Variants in SLC44A3 observed in about 807,000 individuals in gnomAD.
SLC44A3 encodes choline transporter-like protein 3.
In SLC44A3, 74 loss-of-function variants were observed where a neutral mutation model predicts 75.4. The ratio of observed to expected loss-of-function variants is 0.98; its 90% CI spans 0.81 to 1.19. The LOEUF (loss-of-function observed/expected upper bound fraction) is 1.19, where lower values mean the gene tolerates loss of function less well. Among genes scored for constraint, SLC44A3 ranks in the 50% most tolerant of loss-of-function variants. The pLI is 0.00. For synonymous variants in SLC44A3, 310 were observed against 296.9 expected, an observed-to-expected ratio of 1.04 and a Z score of -0.45; for missense variants, 700 against 778.6, an observed-to-expected ratio of 0.90 and a Z score of 1.20.
At chr1:94,879,962 A>C (rs1181829683) in intron 12 of SLC44A3, among the ~76,000 whole-genome samples, 1 of 152,246 alleles carries the variant, frequency 6.6e-6, no homozygotes, top group Non-Finnish European at 1.5e-5. Flanking sequence ...AGGTAAATCA[A>C]AACTGCGATA....
At chr1:94,867,501 T>G (rs1667301392) in intron 12 of SLC44A3, 84 bp downstream of exon 12, 1 of 1,118,734 alleles carries the variant, frequency 8.9e-7, no homozygotes. Context: ...TGGCAAATTC[T>G]TCTCTAAGGG....
intron 8 of SLC44A3, among the ~76,000 whole-genome samples, chr1:94,842,747 C>T (rs1663828220): frequency 6.6e-6 from 1 of 152,202 alleles, no homozygotes; most frequent in African/African-American, 2.4e-5. Context: ...GGCTTCAGGT[C>T]CCCCAGAGTC....
intron 5 of SLC44A3, among the ~76,000 whole-genome samples, chr1:94,837,464 TC>T (rs1662973240): frequency 6.6e-6 from 1 of 152,176 alleles, no homozygotes; most frequent in African/African-American, 2.4e-5. Context: ...AAAATGTTGC[TC>T]CCCAAGTTTA....
At chr1:94,821,151 T>A in intron 2 of SLC44A3, 95 bp downstream of exon 2, 1 of 936,110 alleles carries the variant, frequency 1.1e-6, no homozygotes, top group Non-Finnish European at 1.6e-6. Context: ...GGTGCTGCAG[T>A]GAGAGACTTC....
chr1:94,834,631 C>T (rs1316414592), intron 5 of SLC44A3, among the ~76,000 whole-genome samples: 1 of 152,006 alleles, frequency 6.6e-6, no homozygotes, highest in Admixed American at 6.6e-5. Context: ...ATTACAGGCA[C>T]CCACCACGAC....
chr1:94,830,708 A>G (rs1782394), intron 5 of SLC44A3, among the ~76,000 whole-genome samples: 79,456 of 151,924 alleles, frequency 0.52, 20,978 homozygotes, highest in East Asian at 0.69. Flanking sequence ...TAAGAACACA[A>G]TTTGTAACTG....
chr1:94,829,238 G>A (rs908947439), intron 5 of SLC44A3, among the ~76,000 whole-genome samples: 2 of 151,782 alleles, frequency 1.3e-5, no homozygotes, highest in Admixed American at 1.3e-4. Flanking sequence ...AGCCGAGATC[G>A]CGACACTGCA....
intron 9 of SLC44A3, among the ~76,000 whole-genome samples, chr1:94,852,902 T>G (rs1396666127): frequency 6.6e-6 from 1 of 152,158 alleles, no homozygotes; most frequent in East Asian, 1.9e-4. Context: ...CAGAAATTAA[T>G]TTTTAGTTGC....
rs374669149 is a variant in SLC44A3 at position 94,877,018 on chromosome 1, C to A, written c.1482+9601C>A. 5.9e-5 allele frequency among the ~76,000 whole-genome samples: 9 copies of A among 152,092 alleles called. No homozygotes were observed. The South Asian group carries it at 1.9e-3, about 32-fold the overall frequency. ...TTGATGTGCTAGCACTAGGTGACTA[C>A]CTGTCCTGGTCACCTAGAAGCCCCA... On this transcript the variant is annotated intron_variant, in intron 12 of 14. Transcript: ENST00000271227.
chr1:94,866,735 C>T (rs572252129), intron 11 of SLC44A3, among the ~76,000 whole-genome samples: 5 of 152,240 alleles, frequency 3.3e-5, no homozygotes, highest in African/African-American at 1.2e-4. Flanking sequence ...TAGGATGCCT[C>T]CGAGCACCCT....
intron 2 of SLC44A3, among the ~76,000 whole-genome samples, chr1:94,823,208 T>C (rs1267481998): frequency 6.6e-6 from 1 of 152,146 alleles, no homozygotes; most frequent in Admixed American, 6.5e-5. Flanking sequence ...TTCCTCCCTC[T>C]AAATCCAAAC....
intron 12 of SLC44A3, among the ~76,000 whole-genome samples, chr1:94,868,137 G>A (rs1475386500): frequency 3.3e-5 from 5 of 152,010 alleles, no homozygotes; most frequent in African/African-American, 7.2e-5. Context: ...TTTTCAAATT[G>A]ATGGAAATTT....
chr1:94,827,721 G>T, intron 4 of SLC44A3, 78 bp downstream of exon 4: 1 of 1,510,142 alleles, frequency 6.6e-7, no homozygotes, highest in South Asian at 1.3e-5. Flanking sequence ...CATTTACCCT[G>T]ACTCTGCTTT....
intron 8 of SLC44A3, 66 bp from the exon 9 acceptor site, chr1:94,845,212 T>C: frequency 6.8e-7 from 1 of 1,466,312 alleles, no homozygotes; most frequent in South Asian, 1.4e-5. Flanking sequence ...ATAGTAGGGC[T>C]TGCTTTAAGC....
In SLC44A3 at chr1:94,837,717, A is replaced by G. The variant is rs1557817707; in HGVS notation, c.516A>G (p.Ser172=). The part of the protein sequence containing the change: ...CPRLPVPPSK[S]FPLFNRCVPQ... ...TTTTTTTCTCTATTTTTAGCAAGTC[A>G]TTTCCCTTATTTAACCGATGTGTCC... Residue 172 remains serine (S), a synonymous_variant, in exon 6 of 15, where the codon TCA becomes TCG. Coordinates refer to ENST00000271227, the MANE Select transcript of SLC44A3 (RefSeq NM_001114106.3). 1.3e-6 allele frequency: 2 copies of G among 1,568,604 alleles called. No homozygotes were observed. Among genetic ancestry groups the G allele is most frequent in the Non-Finnish European group, 1.7e-6 (2 of 1,161,056 alleles).
At chr1:94,829,309 T>G (rs998851898) in intron 5 of SLC44A3, among the ~76,000 whole-genome samples, 1 of 152,076 alleles carries the variant, frequency 6.6e-6, no homozygotes, top group African/African-American at 2.4e-5. Context: ...CGTTTACTTT[T>G]GGCTTTTTAT....
intron 12 of SLC44A3, among the ~76,000 whole-genome samples, chr1:94,890,052 G>A (rs757029534): frequency 2.0e-5 from 3 of 152,086 alleles, no homozygotes; most frequent in Non-Finnish European, 4.4e-5. Flanking sequence ...ATTACTCCAT[G>A]TTGCTCAGGC....
chr1:94,887,459 T>C (rs149245604), intron 12 of SLC44A3, among the ~76,000 whole-genome samples: 1,594 of 152,282 alleles, frequency 0.01, 22 homozygotes, highest in African/African-American at 0.037. Context: ...AGAGTGCTTT[T>C]AATGCCTTCT....
At chr1:94,822,589 T>C (rs771754197) in intron 2 of SLC44A3, among the ~76,000 whole-genome samples, 2 of 152,174 alleles carry the variant, frequency 1.3e-5, no homozygotes, top group Non-Finnish European at 2.9e-5. Flanking sequence ...GACAAAGGCT[T>C]GGGGGAAGGA....
Sources: allele counts gnomAD v4.1 joint callset (sites outside exome capture counted in the v4.1 genomes callset), GRCh38; gene constraint gnomAD v4.1.1; transcripts MANE v1.5; gene names NCBI Gene and HGNC (gene_info 2026-07-23, HGNC 2026-07-21).